PKHD1L1: variants seen among roughly 807,000 people sequenced by gnomAD.
PKHD1L1 encodes fibrocystin-L.
A neutral mutation model predicts 462.9 loss-of-function variants in PKHD1L1; 434 were observed. That is an observed-to-expected ratio of 0.94 (90% CI 0.87 to 1.02). The LOEUF is 1.02. PKHD1L1 is among the 50% of genes least tolerant of loss of function. PKHD1L1 has a pLI of 0.00. For missense variants in PKHD1L1, 5,202 were observed against 5,096.1 expected (o/e 1.02, Z -0.63); for synonymous variants, 1,781 against 1,750.0 (o/e 1.02, Z -0.44).
At chr8:109,413,300 C>G in intron 20 of PKHD1L1, 121 bp from the exon 21 acceptor site, 1 of 659,696 alleles carries the variant, frequency 1.5e-6, no homozygotes, top group Non-Finnish European at 2.2e-6. Context: ...TCTCTGTGTT[C>G]TGGTACGTTT....
chr8:109,406,392 G>A lies in PKHD1L1; in HGVS notation c.1727G>A (p.Trp576Ter), dbSNP rs1305537158. 4.4e-6 allele frequency: 7 copies of A among 1,573,184 alleles called. No individual in the cohort carries two copies. The highest frequency in any genetic ancestry group is 6.0e-6 in the Non-Finnish European group (7 of 1,158,058). Residue 576 changes from tryptophan to a stop codon, truncating the protein, a stop_gained, in exon 17 of 78, where the codon TGG becomes TAG. Coordinates refer to ENST00000378402, the MANE Select transcript of PKHD1L1 (RefSeq NM_177531.6). LOFTEE classifies it high-confidence loss of function. ...CTGCAATCAGCCTTGAATGACCTCT[G>A]GTCTATAAAACCGGACACAGTTCAA... is the stretch of plus-strand genomic sequence containing the variant. ...FILQSALNDLWSIKPDTVQVI... is the reference protein window; with the variant it reads ...FILQSALNDL
chr8:109,453,311 T>C (rs2130793536), intron 43 of PKHD1L1, among the ~76,000 whole-genome samples: 1 of 152,332 alleles, frequency 6.6e-6, no homozygotes, highest in South Asian at 2.1e-4. Context: ...CTATCCTAAA[T>C]GATCCCCTTG....
In PKHD1L1 at chr8:109,413,478, C is replaced by T; in HGVS notation, c.2293C>T (p.Gln765Ter). ...TTATATTGGTCTAAAATTTCAGTAC[C>T]AAGACAATAGCAAGATTACTAGAAG... is the stretch of plus-strand genomic sequence containing the variant. ...ANYIGLKFQY[Q>*]DNSKITRSTD... Residue 765 changes from glutamine (Q) to a stop codon, truncating the protein, a stop_gained, in exon 21 of 78, where the codon CAA becomes TAA. Coordinates refer to ENST00000378402, the MANE Select transcript of PKHD1L1 (RefSeq NM_177531.6). LOFTEE classifies it high-confidence loss of function. 1 of 1,579,950 alleles carries T rather than the reference C, an allele frequency of 6.3e-7. No individual in the cohort carries two copies. The highest frequency in any genetic ancestry group is 2.3e-5 in the East Asian group (1 of 44,040).
At chr8:109,434,893 T>A (rs57783360) in intron 28 of PKHD1L1, among the ~76,000 whole-genome samples, 10,226 of 146,796 alleles carry the variant, frequency 0.07, 394 homozygotes, top group African/African-American at 0.076. Flanking sequence ...GTTTTTTTTT[T>A]AAAAAAATTA....
chr8:109,460,648 G>A (rs1042904971), intron 47 of PKHD1L1, among the ~76,000 whole-genome samples: 1 of 152,168 alleles, frequency 6.6e-6, no homozygotes, highest in Non-Finnish European at 1.5e-5. Context: ...TCCAGACTTT[G>A]CAGAAATGTT....
intron 73 of PKHD1L1, among the ~76,000 whole-genome samples, chr8:109,518,922 G>A (rs1011562291): frequency 1.3e-5 from 2 of 152,266 alleles, no homozygotes; most frequent in African/African-American, 4.8e-5. Flanking sequence ...GGTCCGATTG[G>A]TCTGGAGTGG....
chr8:109,452,123 G>C lies in PKHD1L1; in HGVS notation c.6351-1G>C, dbSNP rs746166939. On this transcript the variant is annotated splice_acceptor_variant, in intron 41 of 77. Coordinates refer to ENST00000378402, the MANE Select transcript of PKHD1L1 (RefSeq NM_177531.6). LOFTEE classifies it high-confidence loss of function. ...TGTTATGTTTTCCCTCTTTTTTACAGTGAAAATATGGAGGATGTTCATATC... is the reference window on the plus strand; with the variant it reads ...TGTTATGTTTTCCCTCTTTTTTACACTGAAAATATGGAGGATGTTCATATC... 3.7e-6 allele frequency: 6 copies of C among 1,606,926 alleles called. No homozygotes were observed. The highest frequency in any genetic ancestry group is 3.3e-4 in the Middle Eastern group (2 of 6,032).
Position 109,464,325 on chromosome 8 carries a change from C to T in PKHD1L1, c.7493C>T (p.Ala2498Val). Residue 2498 changes from alanine to valine, a missense_variant, in exon 49 of 78, where the codon GCC becomes GTC. Transcript: ENST00000378402. The stretch of plus-strand genomic sequence containing the variant: ...GTAAGAGGCTGTGCAATTCACCAGG[C>T]CTATAACAGAGCTGTTACTATTCAT... Reference protein sequence around the residue: ...SYVRGCAIHQAYNRAVTIHNT... With the variant: ...SYVRGCAIHQVYNRAVTIHNT... 6.2e-7 allele frequency: 1 copy of T among 1,613,094 alleles called. No individual in the cohort carries two copies. Among genetic ancestry groups the T allele is most frequent in the East Asian group, 2.2e-5 (1 of 44,836 alleles).
Position 109,362,672 on chromosome 8 carries a change from TAGGC to T in PKHD1L1, c.73+25_73+28del, listed in dbSNP as rs771672906. On this transcript the variant is annotated intron_variant, in intron 1 of 77. Transcript: ENST00000378402. ...AGCACAGGTAACCCTTTGGGCACGCTAGGCAGGCAAGCAGGAGAGGCCCGCGTAG... is the reference window on the plus strand; with the variant it reads ...AGCACAGGTAACCCTTTGGGCACGCTAGGCAAGCAGGAGAGGCCCGCGTAG... The T allele has an allele frequency of 3.8e-5, 60 of 1,583,936 alleles. No homozygotes were observed. In the Admixed American group the frequency reaches 1.0e-3, roughly 27 times the overall value.
chr8:109,366,780 C>T (rs142498040), intron 2 of PKHD1L1, among the ~76,000 whole-genome samples: 2 of 151,242 alleles, frequency 1.3e-5, no homozygotes, highest in East Asian at 1.9e-4. Context: ...ACAACATCCA[C>T]CTCCCAAGTT....
intron 2 of PKHD1L1, among the ~76,000 whole-genome samples, chr8:109,370,844 A>C (rs1811467538): frequency 6.6e-6 from 1 of 152,074 alleles, no homozygotes. Flanking sequence ...GAACTCATCA[A>C]TTTTTATGGC....
intron 21 of PKHD1L1, 132 bp downstream of exon 21, chr8:109,413,677 G>A: frequency 3.7e-6 from 2 of 543,834 alleles, no homozygotes; most frequent in Non-Finnish European, 5.7e-6. Context: ...TGCACACAAT[G>A]GATGTAAATG....
intron 7 of PKHD1L1, 79 bp downstream of exon 7, chr8:109,388,629 A>G: frequency 1.1e-6 from 1 of 910,198 alleles, no homozygotes. Context: ...AATTGCTACC[A>G]ATACTGCATA....
chr8:109,486,863 A>T, intron 59 of PKHD1L1, 42 bp downstream of exon 59: 2 of 1,546,340 alleles, frequency 1.3e-6, no homozygotes, highest in Non-Finnish European at 1.8e-6. Context: ...GAGCTATAAC[A>T]TTATCTCATC....
chr8:109,457,389 T>C (rs183465924), intron 46 of PKHD1L1, among the ~76,000 whole-genome samples: 105 of 152,292 alleles, frequency 6.9e-4, no homozygotes, highest in African/African-American at 2.0e-3. Context: ...ACTAACAGCA[T>C]AGAAAATCTT....
At chr8:109,460,716 A>T (rs1348841553) in intron 47 of PKHD1L1, among the ~76,000 whole-genome samples, 2 of 152,166 alleles carry the variant, frequency 1.3e-5, no homozygotes, top group Non-Finnish European at 2.9e-5. Flanking sequence ...TGCTCTATTT[A>T]CAAACAAGCC....
At position 109,470,232 on chromosome 8, in the gene PKHD1L1, G is replaced by A. The variant is rs549915998; in HGVS notation, c.8605+3463G>A. On this transcript the variant is annotated intron_variant, in intron 50 of 77. Transcript: ENST00000378402. Reference sequence around the variant, plus strand: ...CCAGTTACTCTACTGAGCCTTGTTGGAAATACTCAGATCATCATGAAAACA... The same window carrying A: ...CCAGTTACTCTACTGAGCCTTGTTGAAAATACTCAGATCATCATGAAAACA... The A allele has an allele frequency of 2.0e-5, 26 of 1,269,070 alleles. No individual in the cohort carries two copies. The African/African-American group carries it at 2.7e-4, about 13-fold the overall frequency. The allele number at this position is 1,269,070 out of a possible 1,614,324, so 78.6% of individuals were successfully genotyped here. A position where few individuals can be genotyped will look rare whatever the true frequency, so the allele number is the denominator to read the frequency against.
intron 50 of PKHD1L1, among the ~76,000 whole-genome samples, chr8:109,471,972 T>G (rs532293879): frequency 1.2e-4 from 19 of 152,304 alleles, no homozygotes; most frequent in Non-Finnish European, 2.2e-4. Context: ...TCATTTTAAG[T>G]AACGTGCTCA....
chr8:109,437,724 G>A (rs1205591795), intron 30 of PKHD1L1, among the ~76,000 whole-genome samples: 1 of 151,700 alleles, frequency 6.6e-6, no homozygotes, highest in African/African-American at 2.4e-5. Flanking sequence ...GAATTGAGGG[G>A]ATATGGTAAG....
Sources: gnomAD v4.1 joint callset for allele counts (sites outside exome capture counted in the v4.1 genomes callset) on GRCh38, gnomAD v4.1.1 for gene constraint, MANE v1.5 for transcripts, NCBI Gene and HGNC (gene_info 2026-07-23, HGNC 2026-07-21) for gene names.